ARB2A: variants seen among roughly 807,000 people sequenced by gnomAD.
ARB2A encodes the protein cotranscriptional regulator ARB2A.
the ARB2A span, among the ~76,000 whole-genome samples, chr5:93,836,864 C>T: frequency 6.6e-6 from 1 of 152,090 alleles, no homozygotes; most frequent in Non-Finnish European, 1.5e-5. Context: ...TCACAAGATT[C>T]AACTTTAAAC....
At chr5:93,758,397 C>G in the ARB2A span, among the ~76,000 whole-genome samples, 1 of 152,170 alleles carries the variant, frequency 6.6e-6, no homozygotes, top group African/African-American at 2.4e-5. Context: ...AACAAATGGA[C>G]TTATCAGATA....
the ARB2A span, chr5:93,621,153 T>C: frequency 6.4e-7 from 1 of 1,574,328 alleles, no homozygotes; most frequent in East Asian, 2.5e-5. Context: ...CACATTCGGT[T>C]ACCAGGTGGC....
the ARB2A span, among the ~76,000 whole-genome samples, chr5:93,664,499 C>T: frequency 2.6e-5 from 4 of 151,624 alleles, no homozygotes; most frequent in South Asian, 2.1e-4. Flanking sequence ...GGCATGATGG[C>T]GGGCACCTGT....
At chr5:93,813,727 C>T in the ARB2A span, among the ~76,000 whole-genome samples, 1 of 152,116 alleles carries the variant, frequency 6.6e-6, no homozygotes, top group Non-Finnish European at 1.5e-5. Context: ...TTTTGGGTTT[C>T]CTAGCCTCCT....
At chr5:93,901,830 T>A in the ARB2A span, among the ~76,000 whole-genome samples, 3 of 152,226 alleles carry the variant, frequency 2.0e-5, no homozygotes, top group South Asian at 6.2e-4. Context: ...ACATGCCTAA[T>A]AGTTCCCAAC....
At chr5:93,627,449 T>TTTTG in the ARB2A span, among the ~76,000 whole-genome samples, 4 of 148,698 alleles carry the variant, frequency 2.7e-5, no homozygotes, top group African/African-American at 1.0e-4. Flanking sequence ...TTTTGTTTTT[T>TTTTG]TTTTTTTTTT....
the ARB2A span, among the ~76,000 whole-genome samples, chr5:94,029,988 AAGAG>A: frequency 2.6e-5 from 4 of 151,980 alleles, no homozygotes; most frequent in South Asian, 8.3e-4. Context: ...GGCAGCAGAC[AAGAG>A]AGAGAGAGTT....
At chr5:93,986,441 G>C in the ARB2A span, among the ~76,000 whole-genome samples, 1 of 146,712 alleles carries the variant, frequency 6.8e-6, no homozygotes, top group Non-Finnish European at 1.5e-5. Flanking sequence ...TCTGGGGGGT[G>C]GGGGGGCCCC....
the ARB2A span, among the ~76,000 whole-genome samples, chr5:93,992,418 G>A: frequency 2.0e-5 from 3 of 151,980 alleles, no homozygotes; most frequent in African/African-American, 7.2e-5. Flanking sequence ...CATATTGTAA[G>A]CCCCCTAGCA....
the ARB2A span, among the ~76,000 whole-genome samples, chr5:93,703,810 C>G: frequency 6.6e-6 from 1 of 152,256 alleles, no homozygotes; most frequent in East Asian, 1.9e-4. Flanking sequence ...GTCTGGTGCC[C>G]TCAGTACCCT....
chr5:94,040,895 G>A, the ARB2A span, among the ~76,000 whole-genome samples: 1 of 152,088 alleles, frequency 6.6e-6, no homozygotes, highest in Non-Finnish European at 1.5e-5. Flanking sequence ...TAATGTCTAT[G>A]TTTCGTCACA....
chr5:93,850,829 C>A, the ARB2A span, among the ~76,000 whole-genome samples: 2 of 152,084 alleles, frequency 1.3e-5, no homozygotes, highest in African/African-American at 4.8e-5. Context: ...AATATTCCCT[C>A]TAGATATGTT....
At chr5:94,092,426 T>C in the ARB2A span, among the ~76,000 whole-genome samples, 2 of 152,204 alleles carry the variant, frequency 1.3e-5, no homozygotes, top group Non-Finnish European at 2.9e-5. Flanking sequence ...AAAGTTTGGA[T>C]AGCATGGTTC....
At chr5:93,961,152 T>C in the ARB2A span, among the ~76,000 whole-genome samples, 2 of 152,158 alleles carry the variant, frequency 1.3e-5, no homozygotes, top group Non-Finnish European at 2.9e-5. Context: ...CCAAACACTA[T>C]GTCTAAACAC....
the ARB2A span, among the ~76,000 whole-genome samples, chr5:93,770,857 T>A: frequency 2.0e-5 from 3 of 152,054 alleles, no homozygotes; most frequent in Non-Finnish European, 4.4e-5. Context: ...AGAATCAATA[T>A]CATGAAAGTG....
the ARB2A span, among the ~76,000 whole-genome samples, chr5:93,971,259 A>C: frequency 6.6e-6 from 1 of 152,154 alleles, no homozygotes; most frequent in African/African-American, 2.4e-5. Flanking sequence ...CGGCCTCCCA[A>C]AAACTTTCAC....
chr5:93,751,081 C>T, the ARB2A span, among the ~76,000 whole-genome samples: 2 of 151,766 alleles, frequency 1.3e-5, no homozygotes, highest in Admixed American at 1.3e-4. Context: ...TTAGGGTCTC[C>T]TTAAAAAGTC....
At chr5:93,699,429 C>T in the ARB2A span, among the ~76,000 whole-genome samples, 2 of 152,078 alleles carry the variant, frequency 1.3e-5, no homozygotes, top group Non-Finnish European at 2.9e-5. Flanking sequence ...TCATCTTATT[C>T]GTACTGTGAT....
At chr5:94,086,706 C>A in the ARB2A span, among the ~76,000 whole-genome samples, 3 of 152,112 alleles carry the variant, frequency 2.0e-5, no homozygotes, top group African/African-American at 7.2e-5. Context: ...GTGCCCGCCA[C>A]CACGCCTGGC....
Sources: gnomAD v4.1 joint callset for allele counts (sites outside exome capture counted in the v4.1 genomes callset) on GRCh38, gnomAD v4.1.1 for gene constraint, MANE v1.5 for transcripts, NCBI Gene and HGNC (gene_info 2026-07-23, HGNC 2026-07-21) for gene names.